ATR: variants seen among roughly 807,000 people sequenced by gnomAD.
ATR encodes serine/threonine-protein kinase ATR.
Under a neutral mutation model 305.3 loss-of-function variants are expected in ATR, and 142 were observed. The ratio of observed to expected loss-of-function variants is 0.47; its 90% confidence interval spans 0.41 to 0.53. The LOEUF (loss-of-function observed/expected upper bound fraction) is 0.53. ATR is among the 20% of genes least tolerant of loss of function. The pLI, the probability that ATR is intolerant of heterozygous loss-of-function variation, is 0.00. For missense variants in ATR, 2,135 were observed against 3,133.1 expected (o/e 0.68, Z 7.60); for synonymous variants, 1,050 against 1,068.1 (o/e 0.98, Z 0.33).
At chr3:142,573,891 T>G (rs937192152) in intron 1 of ATR, among the ~76,000 whole-genome samples, 14 of 152,150 alleles carry the variant, frequency 9.2e-5, no homozygotes, top group Non-Finnish European at 2.1e-4. Context: ...CATCACAAAT[T>G]TAACAAAAAA....
At chr3:142,472,097 G>GTGTGTGTGTC (rs2071290665) in intron 36 of ATR, 1 of 151,256 alleles carries the variant, frequency 6.6e-6, no homozygotes, top group African/African-American at 2.4e-5. Context: ...GTGTGTGTGT[G>GTGTGTGTGTC]TGTGTGTGTG....
rs773111202 is a variant in ATR at position 142,578,684 on chromosome 3, C to T, written c.21G>A (p.Glu7=). The T allele has an allele frequency of 1.2e-6, 2 of 1,613,400 alleles. No homozygotes were observed. The highest frequency in any genetic ancestry group is 8.5e-7 in the Non-Finnish European group (1 of 1,179,816). ...GCAGGGCGGGGATCATGGAAGCCAG[C>T]TCCAGGCCATGTTCCCCCATGCTGA... MGEHGL[E]LASMIPALRE... is the part of the protein sequence containing the mutation. Residue 7 remains glutamate, a synonymous_variant, in exon 1 of 47, where the codon GAG becomes GAA. Transcript: ENST00000350721.
chr3:142,552,974 AG>A (rs1194243417), intron 13 of ATR, among the ~76,000 whole-genome samples: 3 of 151,988 alleles, frequency 2.0e-5, no homozygotes, highest in African/African-American at 7.3e-5. Context: ...GGGGGAAGGG[AG>A]AGTATCAGAA....
In ATR at chr3:142,578,708, G is replaced by A. The variant is rs780731943; in HGVS notation, c.-4C>T. 1 of 1,612,898 alleles carries A rather than the reference G, an allele frequency of 6.2e-7. No homozygotes were observed. Among genetic ancestry groups the A allele is most frequent in the Non-Finnish European group, 8.5e-7 (1 of 1,179,644 alleles). ...GCTCCAGGCCATGTTCCCCCATGCT[G>A]AGGCTGCGAGGCACTAGTCAACCAC... On this transcript the variant is annotated 5_prime_UTR_variant, in exon 1 of 47. Coordinates refer to ENST00000350721, the MANE Select transcript of ATR (RefSeq NM_001184.4).
chr3:142,452,900 G>A, intron 46 of ATR: 5 of 1,374,166 alleles, frequency 3.6e-6, no homozygotes, highest in Non-Finnish European at 4.7e-6. Context: ...GGTTAAACAA[G>A]TGTGCCATGA....
intron 28 of ATR, 83 bp downstream of exon 28, chr3:142,507,848 A>G: frequency 7.7e-7 from 1 of 1,293,842 alleles, no homozygotes; most frequent in Non-Finnish European, 1.1e-6. Flanking sequence ...AGCATATAAA[A>G]CATTCAATAA....
chr3:142,508,131 GTAAT>G (rs1487719386), intron 27 of ATR, 22 bp from the exon 28 acceptor site: 18 of 1,587,126 alleles, frequency 1.1e-5, no homozygotes, highest in East Asian at 2.2e-5. Flanking sequence ...AAAAAGTTGA[GTAAT>G]TAAAGACTTA....
At chr3:142,564,951 T>C (rs1468963919) in intron 3 of ATR, among the ~76,000 whole-genome samples, 2 of 152,062 alleles carry the variant, frequency 1.3e-5, no homozygotes, top group Admixed American at 6.6e-5. Context: ...TTGGTTTGGT[T>C]TGGTTTTGGT....
At chr3:142,485,355 G>A (rs2030848146) in intron 35 of ATR, 73 bp from the exon 36 acceptor site, 1 of 1,543,762 alleles carries the variant, frequency 6.5e-7, no homozygotes, top group South Asian at 1.2e-5. Context: ...ATGAATAGAT[G>A]ATTAGGGATC....
chr3:142,547,501 T>C (rs946725215), intron 16 of ATR, among the ~76,000 whole-genome samples: 1 of 152,202 alleles, frequency 6.6e-6, no homozygotes, highest in Admixed American at 6.5e-5. Flanking sequence ...GTAAACAAAG[T>C]TGTGATAATG....
At chr3:142,498,129 C>T (rs1430784255) in intron 32 of ATR, among the ~76,000 whole-genome samples, 2 of 152,158 alleles carry the variant, frequency 1.3e-5, no homozygotes, top group Admixed American at 6.5e-5. Flanking sequence ...CATTTTTCCT[C>T]AGGTAGAATT....
At chr3:142,527,074 C>T (rs992260039) in intron 21 of ATR, among the ~76,000 whole-genome samples, 1 of 152,116 alleles carries the variant, frequency 6.6e-6, no homozygotes, top group Non-Finnish European at 1.5e-5. Flanking sequence ...CAGGCATGAG[C>T]CACTACACCC....
Position 142,451,059 on chromosome 3 carries a change from A to G in ATR, c.7762-1457T>C, listed in dbSNP as rs2070778484. 9.4e-6 allele frequency: 12 copies of G among 1,280,460 alleles called. No individual in the cohort carries two copies. The South Asian group carries it at 1.4e-4, about 15-fold the overall frequency. The allele number at this position is 1,280,460 out of a possible 1,614,324, so 79.3% of individuals were successfully genotyped here. On this transcript the variant is annotated intron_variant, in intron 46 of 46. Coordinates refer to ENST00000350721, the MANE Select transcript of ATR (RefSeq NM_001184.4). ...GAATATGAATCATCCCTGGAGCTCC[A>G]GGAAAATGGCCTGGCTGGTTTGTCT... is the stretch of plus-strand genomic sequence containing the variant.
Position 142,503,342 on chromosome 3 carries a change from A to G in ATR, c.5288+20T>C. On this transcript the variant is annotated intron_variant, in intron 30 of 46. Coordinates refer to ENST00000350721, the MANE Select transcript of ATR (RefSeq NM_001184.4). Reference sequence around the variant, plus strand: ...CATTCAGATGCAATAACAAAAGAAAATCATTTTATAAAATATTACCTGTTA... The same window carrying G: ...CATTCAGATGCAATAACAAAAGAAAGTCATTTTATAAAATATTACCTGTTA... 1 of 1,552,680 alleles carries G rather than the reference A, an allele frequency of 6.4e-7. No homozygotes were observed. The highest frequency in any genetic ancestry group is 8.9e-7 in the Non-Finnish European group (1 of 1,125,986).
At chr3:142,528,877 A>ATTTTTT (rs201313146) in intron 21 of ATR, among the ~76,000 whole-genome samples, 2,049 of 47,432 alleles carry the variant, frequency 0.043, 92 homozygotes, top group Non-Finnish European at 0.054. Flanking sequence ...ATATATATAT[A>ATTTTTT]TATTTTTTTT....
chr3:142,544,678 A>ACT (rs2034202838), intron 16 of ATR, among the ~76,000 whole-genome samples: 2 of 150,640 alleles, frequency 1.3e-5, no homozygotes, highest in Non-Finnish European at 3.0e-5. Flanking sequence ...AGCATTTTGA[A>ACT]CTCCATAAGA....
intron 35 of ATR, among the ~76,000 whole-genome samples, chr3:142,489,951 TA>T (rs2031180183): frequency 6.6e-6 from 1 of 152,266 alleles, no homozygotes. Flanking sequence ...ATTGTGGTTT[TA>T]ATTTGCATCT....
chr3:142,470,288 T>C (rs2071230926), intron 36 of ATR, 105 bp from the exon 37 acceptor site: 2 of 964,364 alleles, frequency 2.1e-6, no homozygotes, highest in East Asian at 5.3e-5. Context: ...TTCACAAAAA[T>C]TATGGTATCA....
intron 10 of ATR, among the ~76,000 whole-genome samples, chr3:142,554,354 A>G (rs1306470513): frequency 6.6e-6 from 1 of 151,898 alleles, no homozygotes; most frequent in Admixed American, 6.6e-5. Flanking sequence ...CAGCCTCCCA[A>G]GTAGCTGGGA....
Sources: allele counts gnomAD v4.1 joint callset (sites outside exome capture counted in the v4.1 genomes callset), GRCh38; gene constraint gnomAD v4.1.1; transcripts MANE v1.5; gene names NCBI Gene and HGNC (gene_info 2026-07-23, HGNC 2026-07-21).